KIF3C: variants seen among roughly 807,000 people sequenced by gnomAD.
The protein encoded by KIF3C is kinesin-like protein KIF3C.
A neutral mutation model predicts 67.7 loss-of-function variants in KIF3C; 12 were observed. That is an observed-to-expected ratio of 0.18 (90% confidence interval 0.11 to 0.29). The LOEUF is 0.29. Ranked by LOEUF, KIF3C falls within the 10% of genes least tolerant of loss-of-function variation. The pLI is 1.00. For missense variants in KIF3C, 789 were observed against 1,059.6 expected, an observed-to-expected ratio of 0.74 and a Z score of 3.55; for synonymous variants, 393 against 426.2, an observed-to-expected ratio of 0.92 and a Z score of 0.96.
chr2:25,939,297 G>A (rs9789482), intron 5 of KIF3C, among the ~76,000 whole-genome samples: 1 of 152,042 alleles, frequency 6.6e-6, no homozygotes, highest in Admixed American at 6.6e-5. Flanking sequence ...GCAGGCATCC[G>A]ACATCATCGG....
intron 5 of KIF3C, among the ~76,000 whole-genome samples, chr2:25,940,582 A>G (rs187333986): frequency 2.3e-4 from 35 of 151,272 alleles, no homozygotes; most frequent in Non-Finnish European, 4.9e-4. Flanking sequence ...AAAACAAAAA[A>G]ACAACAGAAA....
At chr2:25,952,561 A>T (rs918256332) in intron 4 of KIF3C, among the ~76,000 whole-genome samples, 4,920 of 86,096 alleles carry the variant, frequency 0.057, 130 homozygotes, top group South Asian at 0.13. Flanking sequence ...ATATATATAT[A>T]TATTTTTTTT....
intron 1 of KIF3C, among the ~76,000 whole-genome samples, chr2:25,969,856 C>G (rs1664235208): frequency 6.6e-6 from 1 of 152,102 alleles, no homozygotes; most frequent in Admixed American, 6.6e-5. Context: ...GCTGGGACTA[C>G]AGGCACACGC....
chr2:25,973,789 T>G (rs1249433447), intron 1 of KIF3C, among the ~76,000 whole-genome samples: 1 of 152,182 alleles, frequency 6.6e-6, no homozygotes, highest in Non-Finnish European at 1.5e-5. Context: ...AGCAGTAGGA[T>G]AGGGAGGCCC....
intron 1 of KIF3C, among the ~76,000 whole-genome samples, chr2:25,964,988 A>G (rs1664104042): frequency 6.6e-6 from 1 of 151,964 alleles, no homozygotes; most frequent in Non-Finnish European, 1.5e-5. Context: ...CTGCTTCACA[A>G]TCTCTCCTGC....
chr2:25,929,026 G>A lies in KIF3C; in HGVS notation c.2334C>T (p.Ser778=). ...QRPPPSTTHA[S]LASASLRPAT... ...CAGGGCGCAGAGAAGCAGAGGCCAG[G>A]GAGGCATGTGTGGTGGAAGGTGGAG... Residue 778 remains serine, a synonymous_variant, in exon 8 of 8, where the codon TCC becomes TCT. Coordinates refer to ENST00000264712, the MANE Select transcript of KIF3C (RefSeq NM_002254.8). The A allele has an allele frequency of 6.2e-7, 1 of 1,613,910 alleles. No individual in the cohort carries two copies. The highest frequency in any genetic ancestry group is 8.5e-7 in the Non-Finnish European group (1 of 1,179,976).
chr2:25,969,039 G>C (rs973016717), intron 1 of KIF3C, among the ~76,000 whole-genome samples: 1 of 152,080 alleles, frequency 6.6e-6, no homozygotes, highest in Non-Finnish European at 1.5e-5. Context: ...GGTCAGGCTG[G>C]TCTCGAACTC....
intron 5 of KIF3C, chr2:25,934,089 A>G (rs1416186500): frequency 1.5e-5 from 7 of 468,928 alleles, no homozygotes; most frequent in Admixed American, 1.4e-4. Context: ...CCTTGAAAAC[A>G]TTTTGCTAAG....
In KIF3C at chr2:25,982,484, TGA is replaced by T. The variant is rs1664653020; in HGVS notation, c.-569_-568del. 2 of 397,814 alleles carry T rather than the reference TGA, an allele frequency of 5.0e-6. No homozygotes were observed. The highest frequency in any genetic ancestry group is 8.9e-6 in the Non-Finnish European group (2 of 225,740). 24.6% of individuals were successfully genotyped at this position (397,814 alleles called of 1,614,324 possible). A position where few individuals can be genotyped will look rare whatever the true frequency, so the allele number is the denominator to read the frequency against. On this transcript the variant is annotated 5_prime_UTR_variant, in exon 1 of 8. Transcript: ENST00000264712. Reference sequence around the variant, plus strand: ...CTTCCCCGCCGCCGCCACTGGAGAATGAGAGAGAAAAACAGAAGGGGATGGGG... The same window carrying T: ...CTTCCCCGCCGCCGCCACTGGAGAATGAGAGAAAAACAGAAGGGGATGGGG...
Position 25,958,910 on chromosome 2 carries a change from A to C in KIF3C, c.1546-2466T>G, listed in dbSNP as rs1301821684. On this transcript the variant is annotated intron_variant, in intron 1 of 7. Transcript: ENST00000264712. The surrounding 1 kb of genome is among the most constrained non-coding windows in gnomAD (Gnocchi z 4.5). ...ACCAACATGGAGAAACCCCATCTCT[A>C]CTAAAAATACAAAATTAGCTGGGCA... Among the ~76,000 whole-genome samples the C allele has an allele frequency of 7.2e-5, 11 of 152,222 alleles. No individual in the cohort carries two copies. In the East Asian group the frequency reaches 2.1e-3, roughly 30 times the overall value.
chr2:25,981,304 C>T lies in KIF3C; in HGVS notation c.614G>A (p.Gly205Asp), dbSNP rs539236607. The T allele has an allele frequency of 6.2e-7, 1 of 1,614,036 alleles. No homozygotes were observed. Among genetic ancestry groups the T allele is most frequent in the African/African-American group, 1.3e-5 (1 of 74,988 alleles). ...GCTGACCTCATTCATGTGGGTGCTG[C>T]CCACAGCCCGGGTCTGGTTCCCCAG... ...MNLGNQTRAVGSTHMNEVSSR... is the reference protein window; with the variant it reads ...MNLGNQTRAVDSTHMNEVSSR... The change falls in exon 1 of 8, where the codon GGC (glycine) becomes GAC (aspartate). Residue 205 changes from glycine to aspartate, a missense_variant. Gly to Asp is a moderately conservative substitution (Grantham distance 94). Around this residue, in one of 2 missense-constraint regions of KIF3C, gnomAD observed 648 missense variants for 807.8 expected, o/e 0.80. Transcript: ENST00000264712. The surrounding 1 kb of genome is among the most constrained non-coding windows in gnomAD (Gnocchi z 8.2).
Position 25,964,319 on chromosome 2 carries a change from A to T in KIF3C, c.1546-7875T>A, listed in dbSNP as rs1483853968. Among the ~76,000 whole-genome samples the T allele has an allele frequency of 5.9e-5, 9 of 152,294 alleles. No individual in the cohort carries two copies. The East Asian group carries it at 1.5e-3, about 26-fold the overall frequency. ...AAAAATAAAATAAATAAAATAAAAT[A>T]AAAATAAACATTTGTTATAATAATA... On this transcript the variant is annotated intron_variant, in intron 1 of 7. Coordinates refer to ENST00000264712, the MANE Select transcript of KIF3C (RefSeq NM_002254.8).
chr2:25,953,873 G>C (rs1044276000), intron 4 of KIF3C, among the ~76,000 whole-genome samples: 2 of 143,908 alleles, frequency 1.4e-5, no homozygotes, highest in Admixed American at 7.1e-5. Context: ...TCACCATGTT[G>C]ATCAGGCTGG....
At position 25,945,185 on chromosome 2, in the gene KIF3C, G is replaced by A. The variant is rs1413468944; in HGVS notation, c.2006+6604C>T. On this transcript the variant is annotated intron_variant, in intron 5 of 7. Transcript: ENST00000264712. ...GTCCAATTGGTATTCATTTAGAAGA[G>A]TTGCCAACACAAACTTACAAATGCA... Among the ~76,000 whole-genome samples the A allele has an allele frequency of 2.0e-5, 3 of 151,972 alleles. No individual in the cohort carries two copies. In the East Asian group the frequency reaches 5.8e-4, roughly 29 times the overall value.
chr2:25,948,502 T>C (rs1193783884), intron 5 of KIF3C, among the ~76,000 whole-genome samples: 1 of 151,404 alleles, frequency 6.6e-6, no homozygotes, highest in Admixed American at 6.6e-5. Flanking sequence ...CAGTGAGTTA[T>C]ATACTCCAGC....
Position 25,927,497 on chromosome 2 carries a change from C to A in KIF3C, c.*1481G>T, listed in dbSNP as rs1008062545. 2.6e-5 allele frequency: 4 copies of A among 152,168 alleles called. No homozygotes were observed. The highest frequency in any genetic ancestry group is 9.7e-5 in the African/African-American group (4 of 41,430). 9.4% of individuals were successfully genotyped at this position (152,168 alleles called of 1,614,324 possible). On this transcript the variant is annotated 3_prime_UTR_variant, in exon 8 of 8. Transcript: ENST00000264712. Reference sequence around the variant, plus strand: ...GACAGTGTCGCTGAGTTAAATCAGACCCAAGCTTGATCCTCAGAGCAGAAC... The same window carrying A: ...GACAGTGTCGCTGAGTTAAATCAGAACCAAGCTTGATCCTCAGAGCAGAAC...
chr2:25,982,474 C>G lies in KIF3C; in HGVS notation c.-557G>C. On this transcript the variant is annotated 5_prime_UTR_variant, in exon 1 of 8. Transcript: ENST00000264712. The stretch of plus-strand genomic sequence containing the variant: ...CTGCCTCCGCCTTCCCCGCCGCCGC[C>G]ACTGGAGAATGAGAGAGAAAAACAG... The G allele has an allele frequency of 2.5e-6, 1 of 398,670 alleles. No individual in the cohort carries two copies. Among genetic ancestry groups the G allele is most frequent in the Non-Finnish European group, 4.4e-6 (1 of 226,116 alleles). 24.7% of individuals were successfully genotyped at this position (398,670 alleles called of 1,614,324 possible). A position where few individuals can be genotyped will look rare whatever the true frequency, so the allele number is the denominator to read the frequency against.
intron 5 of KIF3C, among the ~76,000 whole-genome samples, chr2:25,931,980 T>C (rs895213106): frequency 1.3e-5 from 2 of 149,480 alleles, no homozygotes; most frequent in Non-Finnish European, 1.5e-5. Flanking sequence ...CCAGCCTTCA[T>C]TGTGTGTTGT....
intron 5 of KIF3C, 81 bp from the exon 6 acceptor site, chr2:25,930,144 C>T: frequency 9.7e-6 from 11 of 1,133,340 alleles, no homozygotes; most frequent in Non-Finnish European, 1.5e-5. Context: ...AAATATCATT[C>T]AGGTAGCTAG....
Sources: gnomAD v4.1 joint callset for allele counts (sites outside exome capture counted in the v4.1 genomes callset) on GRCh38, gnomAD v4.1.1 for gene constraint, gnomAD v4.1.1 regional missense constraint, Gnocchi (gnomAD v3.1) non-coding constraint, MANE v1.5 for transcripts, NCBI Gene and HGNC (gene_info 2026-07-23, HGNC 2026-07-21) for gene names.